CLSTN2: variants seen among roughly 807,000 people sequenced by gnomAD.
CLSTN2 encodes calsyntenin 2, also known as calsyntenin-2.
In CLSTN2, 48 loss-of-function variants were observed where a neutral mutation model predicts 101.2. That is an observed-to-expected ratio of 0.47 (90% CI 0.38 to 0.60). The LOEUF (loss-of-function observed/expected upper bound fraction) is 0.60. Ranked by LOEUF, CLSTN2 falls within the 20% of genes least tolerant of loss-of-function variation. CLSTN2 has a pLI of 0.00. For synonymous variants in CLSTN2, 481 were observed against 463.6 expected (o/e 1.04, Z -0.48); for missense variants, 1,160 against 1,238.2 (o/e 0.94, Z 0.95).
At chr3:140,463,964 C>T (rs986242243) in intron 7 of CLSTN2, among the ~76,000 whole-genome samples, 2 of 152,066 alleles carry the variant, frequency 1.3e-5, no homozygotes, top group Admixed American at 6.5e-5. Flanking sequence ...GAATTTGCCG[C>T]AAGCACAAAT....
chr3:140,376,932 TC>T (rs1349585783), intron 2 of CLSTN2, among the ~76,000 whole-genome samples: 9 of 152,100 alleles, frequency 5.9e-5, no homozygotes, highest in African/African-American at 2.2e-4. Flanking sequence ...CTATAGGTAC[TC>T]CCTTGTCTTT....
intron 1 of CLSTN2, among the ~76,000 whole-genome samples, chr3:140,007,623 C>T (rs910165268): frequency 2.0e-5 from 3 of 152,104 alleles, no homozygotes; most frequent in Non-Finnish European, 2.9e-5. Context: ...ATCCACCATC[C>T]CACTCAGAGT....
chr3:140,162,328 G>T (rs1178632811), intron 1 of CLSTN2, among the ~76,000 whole-genome samples: 1 of 152,138 alleles, frequency 6.6e-6, no homozygotes, highest in South Asian at 2.1e-4. Flanking sequence ...GTATAGAAAA[G>T]GTACAAAATG....
intron 2 of CLSTN2, among the ~76,000 whole-genome samples, chr3:140,326,592 A>G (rs2087333964): frequency 6.6e-6 from 1 of 152,204 alleles, no homozygotes; most frequent in Non-Finnish European, 1.5e-5. Flanking sequence ...ATTCAAGGCT[A>G]TGGTTTATTT....
intron 1 of CLSTN2, among the ~76,000 whole-genome samples, chr3:139,972,157 G>A (rs1935717172): frequency 6.6e-6 from 1 of 152,100 alleles, no homozygotes; most frequent in Non-Finnish European, 1.5e-5. Context: ...CCAGCTACTT[G>A]GGAGGCTGAG....
chr3:140,031,128 A>C (rs1393322881), intron 1 of CLSTN2, among the ~76,000 whole-genome samples: 1 of 152,160 alleles, frequency 6.6e-6, no homozygotes, highest in Non-Finnish European at 1.5e-5. Flanking sequence ...GCTTTAAATA[A>C]ATCCAATTAG....
At chr3:140,087,256 T>C (rs777166569) in intron 1 of CLSTN2, among the ~76,000 whole-genome samples, 7 of 152,186 alleles carry the variant, frequency 4.6e-5, no homozygotes, top group Non-Finnish European at 1.0e-4. Context: ...GACTGAATTG[T>C]TTCCCTTAAT....
At chr3:140,347,234 T>C (rs1396406584) in intron 2 of CLSTN2, among the ~76,000 whole-genome samples, 1 of 152,150 alleles carries the variant, frequency 6.6e-6, no homozygotes, top group Non-Finnish European at 1.5e-5. Context: ...AACAAGAAAA[T>C]ACATTTTGCT....
chr3:139,965,886 CTT>C (rs1203065400), intron 1 of CLSTN2, among the ~76,000 whole-genome samples: 1 of 152,220 alleles, frequency 6.6e-6, no homozygotes, highest in Non-Finnish European at 1.5e-5. Context: ...CTCTCCCACT[CTT>C]CTTCAAAATC....
chr3:140,409,246 C>A (rs537643401), intron 4 of CLSTN2, among the ~76,000 whole-genome samples: 83 of 152,326 alleles, frequency 5.4e-4, no homozygotes, highest in African/African-American at 1.9e-3. Context: ...AAGTGCATGT[C>A]CACAGCTGAG....
chr3:140,053,660 C>T (rs1310820863), intron 1 of CLSTN2, among the ~76,000 whole-genome samples: 2 of 152,180 alleles, frequency 1.3e-5, no homozygotes, highest in Non-Finnish European at 2.9e-5. Context: ...CATCTCCCTC[C>T]TCTCTCTCTT....
In CLSTN2 at chr3:140,490,109, TATATATATACACACACAC is replaced by T. The variant is rs1559884941; in HGVS notation, c.1344+23380_1344+23397del. On this transcript the variant is annotated intron_variant, in intron 8 of 16. Transcript: ENST00000458420. ...GTGTGTATATATATATATATATATA[TATATATATACACACACAC>T]ACACACACACACACACACACACACA... Among the ~76,000 whole-genome samples, 15 of 7,488 alleles carry T rather than the reference TATATATATACACACACAC, an allele frequency of 2.0e-3. 4 individuals are homozygous for T. The highest frequency in any genetic ancestry group is 0.016 in the South Asian group (3 of 190). 4.9% of individuals were successfully genotyped at this position (7,488 alleles called of 152,430 possible).
At chr3:140,275,158 C>A (rs1394892069) in intron 2 of CLSTN2, among the ~76,000 whole-genome samples, 1 of 152,196 alleles carries the variant, frequency 6.6e-6, no homozygotes, top group Non-Finnish European at 1.5e-5. Flanking sequence ...TGCCAGATAT[C>A]CCCTGCAGGA....
intron 2 of CLSTN2, among the ~76,000 whole-genome samples, chr3:140,250,180 C>A (rs993578526): frequency 6.6e-6 from 1 of 152,172 alleles, no homozygotes; most frequent in African/African-American, 2.4e-5. Flanking sequence ...AAACTTTTTG[C>A]GCAGCAAATG....
chr3:140,125,512 A>G (rs867931986), intron 1 of CLSTN2, among the ~76,000 whole-genome samples: 28 of 152,190 alleles, frequency 1.8e-4, no homozygotes, highest in African/African-American at 6.0e-4. Context: ...TGGCTCCTTG[A>G]TTTCCTCTCT....
intron 2 of CLSTN2, among the ~76,000 whole-genome samples, chr3:140,316,765 G>A (rs1000024043): frequency 2.0e-5 from 3 of 152,140 alleles, no homozygotes; most frequent in African/African-American, 7.2e-5. Context: ...TTGCCTTGGA[G>A]GCAAGTGATA....
At chr3:140,308,066 C>T (rs964590533) in intron 2 of CLSTN2, among the ~76,000 whole-genome samples, 8 of 152,094 alleles carry the variant, frequency 5.3e-5, no homozygotes, top group African/African-American at 1.9e-4. Flanking sequence ...CATGATAGAC[C>T]CCACCTCCAT....
intron 1 of CLSTN2, among the ~76,000 whole-genome samples, chr3:140,074,377 C>A (rs1378266495): frequency 6.6e-6 from 1 of 152,082 alleles, no homozygotes. Flanking sequence ...CCCCTCCATT[C>A]TGGGCAGCAT....
chr3:140,158,724 A>G (rs1189596172), intron 1 of CLSTN2, among the ~76,000 whole-genome samples: 2 of 152,220 alleles, frequency 1.3e-5, no homozygotes, highest in East Asian at 3.8e-4. Context: ...CTGAATAACC[A>G]AAGCAATCCT....
Sources: gnomAD v4.1 joint callset for allele counts (sites outside exome capture counted in the v4.1 genomes callset) on GRCh38, gnomAD v4.1.1 for gene constraint, MANE v1.5 for transcripts, NCBI Gene and HGNC (gene_info 2026-07-23, HGNC 2026-07-21) for gene names.